The following WARS2 variants were observed in gnomAD, a reference collection of about 807,000 sequenced individuals.
WARS2 encodes tryptophan--tRNA ligase, mitochondrial.
Under a neutral mutation model 36.5 loss-of-function variants are expected in WARS2, and 28 were observed. The ratio of observed to expected loss-of-function variants is 0.77; its 90% CI spans 0.57 to 1.05. WARS2 has a LOEUF of 1.05. Ranked by LOEUF, WARS2 falls within the 50% of genes least tolerant of loss-of-function variation. The probability of loss-of-function intolerance (pLI) is 0.00; values close to 1 mark genes in which losing one functional copy is unlikely to be tolerated. For synonymous variants in WARS2, 174 were observed against 178.4 expected, an observed-to-expected ratio of 0.98 and a Z score of 0.20; for missense variants, 435 against 456.8, an observed-to-expected ratio of 0.95 and a Z score of 0.44.
At chr1:119,116,389 T>C (rs928741186) in intron 1 of WARS2, among the ~76,000 whole-genome samples, 1 of 152,172 alleles carries the variant, frequency 6.6e-6, no homozygotes, top group Non-Finnish European at 1.5e-5. Flanking sequence ...ACAGGACTAA[T>C]GTGCAGCTCC....
At chr1:119,065,868 A>C (rs1650800639) in intron 2 of WARS2, among the ~76,000 whole-genome samples, 2 of 152,214 alleles carry the variant, frequency 1.3e-5, no homozygotes, top group Admixed American at 6.5e-5. Context: ...ATTATGCGTT[A>C]GACAGCTTCC....
At position 119,031,374 on chromosome 1, in the gene WARS2, A is replaced by C. The variant is rs1452000156; in HGVS notation, c.*1537T>G. Reference sequence around the variant, plus strand: ...CATTCCAGTATAAGATACAAAAGGCAAAATGTTTCCTTTACCCATGATCCA... The same window carrying C: ...CATTCCAGTATAAGATACAAAAGGCCAAATGTTTCCTTTACCCATGATCCA... On this transcript the variant is annotated 3_prime_UTR_variant, in exon 6 of 6. Coordinates refer to ENST00000235521, the MANE Select transcript of WARS2 (RefSeq NM_015836.4). 2.6e-5 allele frequency: 4 copies of C among 152,224 alleles called. No individual in the cohort carries two copies. The highest frequency in any genetic ancestry group is 5.9e-5 in the Non-Finnish European group (4 of 68,038). The allele number at this position is 152,224 out of a possible 1,614,324, so 9.4% of individuals were successfully genotyped here.
chr1:119,072,651 C>T (rs981803276), intron 2 of WARS2, among the ~76,000 whole-genome samples: 1 of 152,026 alleles, frequency 6.6e-6, no homozygotes, highest in Admixed American at 6.6e-5. Flanking sequence ...CTTGGTAGAT[C>T]TTCACTCAAA....
intron 1 of WARS2, among the ~76,000 whole-genome samples, chr1:119,123,317 C>T (rs1302548538): frequency 2.0e-5 from 3 of 152,178 alleles, no homozygotes; most frequent in Admixed American, 6.5e-5. Context: ...CCAAGGAACA[C>T]GTGTGTCCCA....
chr1:119,109,826 T>A (rs1053642647), intron 1 of WARS2, among the ~76,000 whole-genome samples: 3 of 152,086 alleles, frequency 2.0e-5, no homozygotes, highest in Admixed American at 6.5e-5. Context: ...TTGTCTTCCA[T>A]ACTTTTCTGT....
intron 2 of WARS2, among the ~76,000 whole-genome samples, chr1:119,059,330 T>C (rs376909993): frequency 2.0e-5 from 3 of 152,040 alleles, no homozygotes; most frequent in Admixed American, 6.5e-5. Flanking sequence ...TTTGTCAATT[T>C]TGGCTTTTGT....
intron 1 of WARS2, among the ~76,000 whole-genome samples, chr1:119,117,262 G>A (rs1655031567): frequency 6.6e-6 from 1 of 152,094 alleles, no homozygotes; most frequent in Admixed American, 6.5e-5. Context: ...CCCCCATAGT[G>A]GCTGCAGCAA....
At chr1:119,090,953 G>A (rs1653002436) in intron 1 of WARS2, among the ~76,000 whole-genome samples, 2 of 152,082 alleles carry the variant, frequency 1.3e-5, no homozygotes, top group South Asian at 4.1e-4. Context: ...TAGTTGATAT[G>A]TAACTAAAAG....
intron 4 of WARS2, among the ~76,000 whole-genome samples, chr1:119,034,629 C>A (rs1647715975): frequency 6.6e-6 from 1 of 152,200 alleles, no homozygotes; most frequent in South Asian, 2.1e-4. Context: ...AGACACCCCA[C>A]CCCACTCTTC....
chr1:119,076,618 G>A lies in WARS2; in HGVS notation c.91-11C>T. On this transcript the variant is annotated splice_polypyrimidine_tract_variant and intron_variant, in intron 1 of 5. Transcript: ENST00000235521. ...CTTCTTGCTGTCTTTCTGGAACAAA[G>A]GAAAACAAGCATATTTGCTTTTGAG... is the stretch of plus-strand genomic sequence containing the variant. 18 of 1,613,676 alleles carry A rather than the reference G, an allele frequency of 1.1e-5. No homozygotes were observed. Among genetic ancestry groups the A allele is most frequent in the Non-Finnish European group, 1.4e-5 (17 of 1,179,796 alleles).
At chr1:119,103,569 T>C (rs1385777970) in intron 1 of WARS2, among the ~76,000 whole-genome samples, 2 of 152,040 alleles carry the variant, frequency 1.3e-5, no homozygotes, top group African/African-American at 4.8e-5. Flanking sequence ...GTACTTTAAC[T>C]TTTTTGTACT....
At chr1:119,094,718 T>TA (rs1653291786) in intron 1 of WARS2, among the ~76,000 whole-genome samples, 4 of 152,174 alleles carry the variant, frequency 2.6e-5, no homozygotes, top group Admixed American at 6.5e-5. Flanking sequence ...TCTGATTTAA[T>TA]ATCAATCCCA....
intron 1 of WARS2, among the ~76,000 whole-genome samples, chr1:119,132,778 T>G (rs1656211575): frequency 6.6e-6 from 1 of 152,194 alleles, no homozygotes; most frequent in Non-Finnish European, 1.5e-5. Flanking sequence ...TATTGCTAAT[T>G]TTAAAGCCTC....
chr1:119,099,404 T>C (rs1653696766), intron 1 of WARS2, among the ~76,000 whole-genome samples: 1 of 152,222 alleles, frequency 6.6e-6, no homozygotes, highest in South Asian at 2.1e-4. Context: ...TGTTGTATGA[T>C]GACTTCAATA....
At chr1:119,045,895 C>G (rs2101131245) in intron 2 of WARS2, among the ~76,000 whole-genome samples, 1 of 152,240 alleles carries the variant, frequency 6.6e-6, no homozygotes, top group South Asian at 2.1e-4. Flanking sequence ...GTCTACTCCA[C>G]AATACCCCAC....
chr1:119,080,963 A>G (rs1385981009), intron 1 of WARS2, among the ~76,000 whole-genome samples: 1 of 152,246 alleles, frequency 6.6e-6, no homozygotes, highest in Non-Finnish European at 1.5e-5. Context: ...GAAGCATGTT[A>G]GAAAGTAGGT....
At chr1:119,099,259 A>T (rs1653685213) in intron 1 of WARS2, among the ~76,000 whole-genome samples, 1 of 152,178 alleles carries the variant, frequency 6.6e-6, no homozygotes, top group Non-Finnish European at 1.5e-5. Context: ...AACACAGCAC[A>T]ACACTGCAGG....
rs533200425 is a variant in WARS2, at chr1:119,044,949, G to A, written c.429+633C>T. On this transcript the variant is annotated intron_variant, in intron 3 of 5. Transcript: ENST00000235521. Reference sequence around the variant, plus strand: ...AAGGCTTCTGAAGACCAGCTTTTGAGGAAACCAATGGCCCTGAAAATACCT... The same window carrying A: ...AAGGCTTCTGAAGACCAGCTTTTGAAGAAACCAATGGCCCTGAAAATACCT... Among the ~76,000 whole-genome samples, 3 of 152,220 alleles carry A rather than the reference G, an allele frequency of 2.0e-5. No individual in the cohort carries two copies. The South Asian group carries it at 6.2e-4, about 32-fold the overall frequency.
At chr1:119,062,090 G>A (rs1017627060) in intron 2 of WARS2, among the ~76,000 whole-genome samples, 2 of 152,142 alleles carry the variant, frequency 1.3e-5, no homozygotes, top group African/African-American at 2.4e-5. Context: ...TTTGGTAAGG[G>A]AGATTGTACC....
Sources: allele counts gnomAD v4.1 joint callset (sites outside exome capture counted in the v4.1 genomes callset), GRCh38; gene constraint gnomAD v4.1.1; transcripts MANE v1.5; gene names NCBI Gene and HGNC (gene_info 2026-07-23, HGNC 2026-07-21).